Variants in MAP4K3 observed in about 807,000 individuals in gnomAD.
MAP4K3 encodes the protein mitogen-activated protein kinase kinase kinase kinase 3.
A neutral mutation model predicts 143.5 loss-of-function variants in MAP4K3; 94 were observed. The observed-to-expected ratio is 0.65, with a 90% CI of 0.55 to 0.78. The LOEUF is 0.78. Among genes scored for constraint, MAP4K3 ranks in the 30% least tolerant of loss-of-function variants. The pLI, the probability that MAP4K3 is intolerant of heterozygous loss-of-function variation, is 0.00. For synonymous variants in MAP4K3, 416 were observed against 347.2 expected (o/e 1.20, Z -2.20); for missense variants, 1,077 against 1,068.1 (o/e 1.01, Z -0.12).
intron 20 of MAP4K3, among the ~76,000 whole-genome samples, chr2:39,287,434 A>T (rs936953762): frequency 4.6e-5 from 7 of 151,956 alleles, no homozygotes; most frequent in Non-Finnish European, 7.4e-5. Context: ...AGTAGCTGGG[A>T]TTACAGGCAT....
At chr2:39,267,290 CTT>C (rs1172177529) in intron 26 of MAP4K3, 43 bp from the exon 27 acceptor site, 1 of 1,463,088 alleles carries the variant, frequency 6.8e-7, no homozygotes, top group African/African-American at 1.4e-5. Context: ...TGTAGGCAAA[CTT>C]AGTATATGAA....
At chr2:39,424,830 C>CAAAAAAAAAA (rs58960920) in intron 1 of MAP4K3, among the ~76,000 whole-genome samples, 2 of 68,174 alleles carry the variant, frequency 2.9e-5, no homozygotes, top group African/African-American at 6.0e-5. Context: ...TAACCTGACT[C>CAAAAAAAAAA]AAAAAAAAAA....
At chr2:39,436,379 G>A (rs1482090300) in intron 1 of MAP4K3, among the ~76,000 whole-genome samples, 1 of 151,742 alleles carries the variant, frequency 6.6e-6, no homozygotes. Context: ...GGATGAATAA[G>A]GCGCTAAAGG....
chr2:39,368,917 C>A (rs1041659938), intron 2 of MAP4K3, among the ~76,000 whole-genome samples: 1 of 152,118 alleles, frequency 6.6e-6, no homozygotes, highest in African/African-American at 2.4e-5. Flanking sequence ...TCAATTTTTA[C>A]ATATATCGTA....
At chr2:39,266,650 T>C (rs1266271356) in intron 27 of MAP4K3, among the ~76,000 whole-genome samples, 1 of 152,176 alleles carries the variant, frequency 6.6e-6, no homozygotes, top group Non-Finnish European at 1.5e-5. Context: ...ACACTATACT[T>C]GTGGTATAAT....
chr2:39,437,042 A>AG lies in MAP4K3; in HGVS notation c.-56dup, dbSNP rs2148645297. 1 of 1,397,578 alleles carries AG rather than the reference A, an allele frequency of 7.2e-7. No homozygotes were observed. Among genetic ancestry groups the AG allele is most frequent in the Non-Finnish European group, 9.9e-7 (1 of 1,010,386 alleles). The allele number at this position is 1,397,578 out of a possible 1,614,324, so 86.6% of individuals were successfully genotyped here. ...CCCGGGCAGGGGAGGGGGGCCGCTC[A>AG]GGGGGCCACACGGAGAGAGGGCGCC... On this transcript the variant is annotated 5_prime_UTR_variant, in exon 1 of 34. Transcript: ENST00000263881.
At chr2:39,328,777 G>C (rs376849669) in intron 8 of MAP4K3, among the ~76,000 whole-genome samples, 1 of 152,120 alleles carries the variant, frequency 6.6e-6, no homozygotes, top group African/African-American at 2.4e-5. Context: ...TGTGTGGTTT[G>C]CATTACTAAA....
chr2:39,429,345 T>C (rs1353120591), intron 1 of MAP4K3, among the ~76,000 whole-genome samples: 3 of 152,204 alleles, frequency 2.0e-5, no homozygotes, highest in East Asian at 1.9e-4. Flanking sequence ...AGGTATATCA[T>C]ATTCATAGAT....
chr2:39,380,128 AC>A (rs1477993328), intron 1 of MAP4K3, among the ~76,000 whole-genome samples: 1 of 152,134 alleles, frequency 6.6e-6, no homozygotes, highest in Non-Finnish European at 1.5e-5. Context: ...ACTGAAAAAA[AC>A]ATAGAGCTAA....
In MAP4K3 at chr2:39,260,742, C is replaced by T. The variant is rs774856183; in HGVS notation, c.2172G>A (p.Met724Ile). The change falls in exon 29 of 34, where the codon ATG becomes ATA. Residue 724 changes from methionine to isoleucine, a missense_variant. By Grantham distance (10) the Met-to-Ile change is conservative (BLOSUM62 1). Transcript: ENST00000263881. Reference sequence around the variant, plus strand: ...GTTCAGGAACTACCAGCATTTCAAACATTCTAAGTGGACATGGTATAGGAA... The same window carrying T: ...GTTCAGGAACTACCAGCATTTCAAATATTCTAAGTGGACATGGTATAGGAA... The part of the protein sequence containing the change: ...IDFPIPCPLR[M>I]FEMLVVPEQE... 1 of 1,613,380 alleles carries T rather than the reference C, an allele frequency of 6.2e-7. No individual in the cohort carries two copies. Among genetic ancestry groups the T allele is most frequent in the South Asian group, 1.1e-5 (1 of 91,052 alleles).
intron 21 of MAP4K3, among the ~76,000 whole-genome samples, chr2:39,285,923 A>G (rs1681755844): frequency 6.6e-6 from 1 of 152,198 alleles, no homozygotes; most frequent in African/African-American, 2.4e-5. Context: ...TTCATCTCTT[A>G]TGATCCCTGA....
chr2:39,291,701 C>G (rs1472558209), intron 18 of MAP4K3, among the ~76,000 whole-genome samples: 3 of 151,970 alleles, frequency 2.0e-5, no homozygotes, highest in Non-Finnish European at 4.4e-5. Flanking sequence ...GCCTGGACAA[C>G]ATGGTGGAAA....
chr2:39,297,869 C>T (rs1682347250), intron 16 of MAP4K3, among the ~76,000 whole-genome samples: 1 of 152,058 alleles, frequency 6.6e-6, no homozygotes, highest in African/African-American at 2.4e-5. Flanking sequence ...TCCAATTCAT[C>T]AAAAAATGAA....
intron 1 of MAP4K3, among the ~76,000 whole-genome samples, chr2:39,436,448 G>A (rs550702264): frequency 6.6e-6 from 1 of 152,080 alleles, no homozygotes; most frequent in Non-Finnish European, 1.5e-5. Flanking sequence ...CTACCACCGA[G>A]GCCTGGTGGG....
chr2:39,331,923 G>A lies in MAP4K3; in HGVS notation c.524C>T (p.Pro175Leu). Residue 175 changes from proline (P) to leucine (L), a missense_variant, in exon 8 of 34, where the codon CCA becomes CTA. Around this residue, in one of 2 missense-constraint regions of MAP4K3, gnomAD observed 213 missense variants for 266.8 expected, o/e 0.80. Coordinates refer to ENST00000263881, the MANE Select transcript of MAP4K3 (RefSeq NM_003618.4). Reference protein sequence around the residue: ...IAKRKSFIGTPYWMAPEVAAV... With the variant: ...IAKRKSFIGTLYWMAPEVAAV... ...TCAATTAAAATACAATTACCAATAT[G>A]GTGTGCCAATGAAAGACTTCCGTTT... is the stretch of plus-strand genomic sequence containing the variant. 1 of 1,557,740 alleles carries A rather than the reference G, an allele frequency of 6.4e-7. No individual in the cohort carries two copies. The highest frequency in any genetic ancestry group is 8.8e-7 in the Non-Finnish European group (1 of 1,140,382).
At chr2:39,280,589 A>T (rs996449952) in intron 22 of MAP4K3, among the ~76,000 whole-genome samples, 8 of 152,134 alleles carry the variant, frequency 5.3e-5, no homozygotes, top group Admixed American at 1.3e-4. Context: ...AGAGAAAAAA[A>T]AAAGGTCTTA....
intron 1 of MAP4K3, among the ~76,000 whole-genome samples, chr2:39,413,305 G>C (rs1428358580): frequency 6.6e-6 from 1 of 152,148 alleles, no homozygotes; most frequent in Non-Finnish European, 1.5e-5. Flanking sequence ...TTAAGGAACT[G>C]AATCACACAC....
intron 1 of MAP4K3, among the ~76,000 whole-genome samples, chr2:39,391,486 TTTTG>T (rs1325139196): frequency 6.6e-6 from 1 of 152,096 alleles, no homozygotes; most frequent in Non-Finnish European, 1.5e-5. Context: ...AACCATTTAC[TTTTG>T]TTTGATTCTT....
intron 23 of MAP4K3, among the ~76,000 whole-genome samples, chr2:39,279,326 G>C (rs1233712216): frequency 6.6e-6 from 1 of 152,126 alleles, no homozygotes; most frequent in African/African-American, 2.4e-5. Context: ...GACAGTATTG[G>C]ATTTAAACTG....
Sources: gnomAD v4.1 joint callset for allele counts (sites outside exome capture counted in the v4.1 genomes callset) on GRCh38, gnomAD v4.1.1 for gene constraint, gnomAD v4.1.1 regional missense constraint, MANE v1.5 for transcripts, NCBI Gene and HGNC (gene_info 2026-07-23, HGNC 2026-07-21) for gene names.